The following CHSY3 variants were observed in gnomAD, a reference collection of about 807,000 sequenced individuals.
CHSY3 encodes the protein N-acetylgalactosaminyl-proteoglycan 3-beta-glucuronosyltransferase 3.
In CHSY3, 35 loss-of-function variants were observed where a neutral mutation model predicts 67.2. The ratio of observed to expected loss-of-function variants is 0.52; its 90% CI spans 0.40 to 0.69. The LOEUF is 0.69. Among genes scored for constraint, CHSY3 ranks in the 30% least tolerant of loss-of-function variants. The pLI is 0.00. For synonymous variants in CHSY3, 474 were observed against 434.7 expected (o/e 1.09, Z -1.12); for missense variants, 1,069 against 1,138.5 (o/e 0.94, Z 0.88).
chr5:130,067,473 C>G (rs1765920044), intron 2 of CHSY3, among the ~76,000 whole-genome samples: 1 of 152,114 alleles, frequency 6.6e-6, no homozygotes, highest in African/African-American at 2.4e-5. Flanking sequence ...ACTTCTCAAA[C>G]AGCTGTGTAA....
chr5:129,934,341 A>G (rs1761421486), intron 2 of CHSY3, among the ~76,000 whole-genome samples: 1 of 152,152 alleles, frequency 6.6e-6, no homozygotes, highest in Non-Finnish European at 1.5e-5. Context: ...TTATGTTAAT[A>G]TGTATAATGG....
chr5:130,176,062 G>A (rs1209856377), intron 2 of CHSY3, among the ~76,000 whole-genome samples: 1 of 152,178 alleles, frequency 6.6e-6, no homozygotes, highest in Non-Finnish European at 1.5e-5. Context: ...GAGTGAACAG[G>A]CAACCTACAG....
chr5:130,031,745 C>T (rs1342926332), intron 2 of CHSY3, among the ~76,000 whole-genome samples: 1 of 152,120 alleles, frequency 6.6e-6, no homozygotes, highest in African/African-American at 2.4e-5. Flanking sequence ...GATGCAAAGG[C>T]ACAAAATTGA....
intron 2 of CHSY3, among the ~76,000 whole-genome samples, chr5:130,163,986 C>T (rs1769645837): frequency 6.6e-6 from 1 of 152,130 alleles, no homozygotes; most frequent in Non-Finnish European, 1.5e-5. Flanking sequence ...CAGGTGATAA[C>T]AGCGATTTTT....
Position 129,978,927 on chromosome 5 carries a change from G to A in CHSY3, c.1086+70567G>A, listed in dbSNP as rs148824153. Among the ~76,000 whole-genome samples the A allele has an allele frequency of 1.6e-4, 25 of 152,026 alleles. No individual in the cohort carries two copies. In the East Asian group the frequency reaches 4.8e-3, roughly 29 times the overall value. On this transcript the variant is annotated intron_variant, in intron 2 of 2. Coordinates refer to ENST00000305031, the MANE Select transcript of CHSY3 (RefSeq NM_175856.5). ...AAATTGGTACTAATTGGCCGGGCGT[G>A]GTGGCTCACGCCTGTAATCCCAGCA...
rs1326730023 is a variant in CHSY3, at chr5:130,184,675, G to A, written c.1533G>A (p.Lys511=). The A allele has an allele frequency of 6.2e-7, 1 of 1,607,398 alleles. No individual in the cohort carries two copies. The highest frequency in any genetic ancestry group is 8.5e-7 in the Non-Finnish European group (1 of 1,173,894). The change falls in exon 3 of 3, where the codon AAG becomes AAA. Residue 511 remains lysine, a synonymous_variant. Transcript: ENST00000305031. ...TGGAGATGATCAATGAGAATGCCAA[G>A]AGCAGAGGACGGCTCATTGACTTCA... The part of the protein sequence containing the change: ...QVMEMINENA[K]SRGRLIDFKE...
intron 2 of CHSY3, among the ~76,000 whole-genome samples, chr5:130,169,948 C>A (rs1769853508): frequency 6.6e-6 from 1 of 151,918 alleles, no homozygotes; most frequent in Admixed American, 6.6e-5. Flanking sequence ...AATTTTGTAG[C>A]AACTACCATC....
chr5:130,159,330 A>T (rs1230840073), intron 2 of CHSY3, among the ~76,000 whole-genome samples: 1 of 150,580 alleles, frequency 6.6e-6, no homozygotes, highest in Non-Finnish European at 1.5e-5. Flanking sequence ...ACACTCTGCT[A>T]TTTTTTCTAT....
At chr5:130,110,620 T>C (rs188206205) in intron 2 of CHSY3, among the ~76,000 whole-genome samples, 2 of 152,116 alleles carry the variant, frequency 1.3e-5, no homozygotes, top group Admixed American at 1.3e-4. Context: ...AGTGGATGGA[T>C]ACTTACATGC....
intron 2 of CHSY3, among the ~76,000 whole-genome samples, chr5:130,042,872 TG>T (rs1765043538): frequency 6.6e-6 from 1 of 152,102 alleles, no homozygotes; most frequent in South Asian, 2.1e-4. Context: ...AACACAAAGA[TG>T]TATTTGCAAA....
intron 2 of CHSY3, among the ~76,000 whole-genome samples, chr5:129,932,136 A>ATG (rs1402052710): frequency 1.8e-4 from 17 of 95,710 alleles, no homozygotes; most frequent in African/African-American, 6.1e-4. Flanking sequence ...ATATATATAT[A>ATG]TATATATGTA....
intron 2 of CHSY3, among the ~76,000 whole-genome samples, chr5:129,973,938 C>T (rs1314650088): frequency 6.6e-6 from 1 of 152,030 alleles, no homozygotes; most frequent in East Asian, 1.9e-4. Context: ...TGCTATTACA[C>T]AACCTCATGA....
chr5:129,969,041 C>CATA (rs1281690119), intron 2 of CHSY3, among the ~76,000 whole-genome samples: 1 of 151,700 alleles, frequency 6.6e-6, no homozygotes, highest in Non-Finnish European at 1.5e-5. Flanking sequence ...TAATGGATAT[C>CATA]ACATTATAGT....
intron 2 of CHSY3, among the ~76,000 whole-genome samples, chr5:129,930,686 C>A (rs1761278812): frequency 6.6e-6 from 1 of 151,982 alleles, no homozygotes; most frequent in South Asian, 2.1e-4. Flanking sequence ...AAACCCGAGA[C>A]CCTTACCCCC....
chr5:129,994,998 G>A (rs1763492863), intron 2 of CHSY3, among the ~76,000 whole-genome samples: 2 of 152,122 alleles, frequency 1.3e-5, no homozygotes, highest in African/African-American at 2.4e-5. Flanking sequence ...GTATACCTAT[G>A]TAACTAACCT....
chr5:130,178,949 T>TAAA (rs1405973668), intron 2 of CHSY3, among the ~76,000 whole-genome samples: 1 of 152,236 alleles, frequency 6.6e-6, no homozygotes, highest in East Asian at 1.9e-4. Context: ...TTCTTGGTTT[T>TAAA]GCCCATTGCA....
intron 2 of CHSY3, among the ~76,000 whole-genome samples, chr5:130,028,585 G>A (rs373225607): frequency 6.6e-6 from 1 of 152,028 alleles, no homozygotes. Flanking sequence ...CATAATAGCT[G>A]CTTAATTAAA....
intron 2 of CHSY3, among the ~76,000 whole-genome samples, chr5:129,961,824 A>T (rs1302169216): frequency 6.6e-6 from 1 of 151,958 alleles, no homozygotes; most frequent in Non-Finnish European, 1.5e-5. Flanking sequence ...AAACTTTTTT[A>T]AAAAAACTTT....
intron 2 of CHSY3, among the ~76,000 whole-genome samples, chr5:129,921,380 T>C (rs1760918909): frequency 1.3e-5 from 2 of 152,196 alleles, no homozygotes; most frequent in Non-Finnish European, 2.9e-5. Context: ...GTAGCATCTA[T>C]AGCAGGGATC....
Sources: gnomAD v4.1 joint callset for allele counts (sites outside exome capture counted in the v4.1 genomes callset) on GRCh38, gnomAD v4.1.1 for gene constraint, MANE v1.5 for transcripts, NCBI Gene and HGNC (gene_info 2026-07-23, HGNC 2026-07-21) for gene names.